FBRSL1: variants seen among roughly 807,000 people sequenced by gnomAD.
FBRSL1 encodes the protein fibrosin like 1.
FBRSL1 carries 51 observed loss-of-function variants against 89.6 expected under a neutral mutation model. The ratio of observed to expected loss-of-function variants is 0.57; its 90% CI spans 0.45 to 0.72. The LOEUF is 0.72. FBRSL1 is among the 30% of genes least tolerant of loss of function. The pLI is 0.00. For synonymous variants in FBRSL1, 779 were observed against 681.1 expected (o/e 1.14, Z -2.24); for missense variants, 1,618 against 1,451.8 (o/e 1.11, Z -1.86).
chr12:132,545,554 C>G (rs1283240920), intron 4 of FBRSL1, among the ~76,000 whole-genome samples: 1 of 152,252 alleles, frequency 6.6e-6, no homozygotes, highest in South Asian at 2.1e-4. Flanking sequence ...ATGCATTAAA[C>G]CCTCGCCTGT....
chr12:132,572,794 C>T (rs112000448), intron 11 of FBRSL1, among the ~76,000 whole-genome samples, 172 bp downstream of exon 11: 7 of 152,300 alleles, frequency 4.6e-5, no homozygotes, highest in African/African-American at 1.2e-4. Context: ...GGGGGCCCTG[C>T]GGTCTGTGTG....
intron 5 of FBRSL1, chr12:132,565,532 T>TATACGTACCCAAGTGTGCTCAC (rs1248376334): frequency 2.6e-5 from 4 of 151,514 alleles, no homozygotes; most frequent in East Asian, 3.9e-4. Context: ...AGTGTGCTCA[T>TATACGTACCCAAGTGTGCTCAC]GTACACGTAC....
At chr12:132,516,301 C>T (rs2034837664) in intron 2 of FBRSL1, among the ~76,000 whole-genome samples, 1 of 151,866 alleles carries the variant, frequency 6.6e-6, no homozygotes, top group Non-Finnish European at 1.5e-5. Flanking sequence ...TCTCCTGCCT[C>T]AGCTTCCTGA....
chr12:132,543,257 C>G (rs776928349), intron 4 of FBRSL1, among the ~76,000 whole-genome samples: 34 of 152,258 alleles, frequency 2.2e-4, no homozygotes, highest in Non-Finnish European at 4.4e-4. Context: ...GTGCCACTGT[C>G]TCTGCAGATG....
Position 132,560,005 on chromosome 12 carries a change from C to A in FBRSL1, c.646-7476C>A, listed in dbSNP as rs533542996. 147 of 148,546 alleles carry A rather than the reference C, an allele frequency of 9.9e-4. 1 individual carries two copies. The South Asian group carries it at 0.017, about 18-fold the overall frequency. The allele number at this position is 148,546 out of a possible 1,614,324, so 9.2% of individuals were successfully genotyped here. A position where few individuals can be genotyped will look rare whatever the true frequency, so the allele number is the denominator to read the frequency against. On this transcript the variant is annotated intron_variant, in intron 5 of 18. Coordinates refer to ENST00000680143, the MANE Select transcript of FBRSL1 (RefSeq NM_001367871.1). ...GCCGCCTCGGGGCCCGCGCCGCGCCCGACGTCCGCCCGGGAGCCCAGAGCG... is the reference window on the plus strand; with the variant it reads ...GCCGCCTCGGGGCCCGCGCCGCGCCAGACGTCCGCCCGGGAGCCCAGAGCG...
chr12:132,522,306 A>G (rs1165309079), intron 2 of FBRSL1, among the ~76,000 whole-genome samples: 1 of 152,098 alleles, frequency 6.6e-6, no homozygotes, highest in Admixed American at 6.5e-5. Context: ...TTCTGTGGGC[A>G]ACCCAGAGGC....
chr12:132,568,561 T>C (rs2039792542), intron 6 of FBRSL1, among the ~76,000 whole-genome samples: 1 of 152,240 alleles, frequency 6.6e-6, no homozygotes, highest in Admixed American at 6.5e-5. Flanking sequence ...GGACGGACAA[T>C]GTCCCAGTGA....
intron 15 of FBRSL1, among the ~76,000 whole-genome samples, chr12:132,579,625 GT>G (rs1172723143): frequency 1.3e-5 from 2 of 152,196 alleles, no homozygotes. Flanking sequence ...TGTGTAAACT[GT>G]CGGTACGTTT....
chr12:132,511,659 C>T (rs2034356553), intron 2 of FBRSL1: 14 of 985,392 alleles, frequency 1.4e-5, no homozygotes, highest in African/African-American at 1.7e-5. Context: ...CTGGTCTTGC[C>T]CAGCTGGGCT....
intron 2 of FBRSL1, among the ~76,000 whole-genome samples, chr12:132,513,928 C>T (rs752397298): frequency 1.1e-4 from 16 of 152,100 alleles, no homozygotes; most frequent in Non-Finnish European, 2.1e-4. Flanking sequence ...AGCATCCACG[C>T]CTGGTGTGTG....
At chr12:132,545,272 AG>A (rs1256650071) in intron 4 of FBRSL1, among the ~76,000 whole-genome samples, 3 of 152,198 alleles carry the variant, frequency 2.0e-5, no homozygotes, top group Non-Finnish European at 4.4e-5. Flanking sequence ...CCCCGAGCCC[AG>A]CCCCGGCGCC....
intron 5 of FBRSL1, chr12:132,566,529 C>A (rs1161584927): frequency 2.9e-5 from 1 of 34,342 alleles, no homozygotes; most frequent in Non-Finnish European, 4.7e-5. Flanking sequence ...CTCCGTCCAC[C>A]CCTCCCCATC....
chr12:132,557,970 C>T (rs2038810983), intron 5 of FBRSL1, among the ~76,000 whole-genome samples: 1 of 152,174 alleles, frequency 6.6e-6, no homozygotes. Flanking sequence ...CCTCCCAGGG[C>T]CAGGCACGCA....
At position 132,570,143 on chromosome 12, in the gene FBRSL1, C is replaced by T. The variant is rs1262080870; in HGVS notation, c.909C>T (p.Pro303=). ...APHRHTPQPP[P]PQPRGLLPTH... ...ACCGCCACACCCCGCAGCCGCCACC[C>T]CCGCAGCCCCGCGGCCTGCTCCCGA... is the stretch of plus-strand genomic sequence containing the variant. The change falls in exon 7 of 19, where the codon CCC becomes CCT. Residue 303 remains proline (P), a synonymous_variant. Transcript: ENST00000680143. 11 of 1,478,914 alleles carry T rather than the reference C, an allele frequency of 7.4e-6. No individual in the cohort carries two copies. The highest frequency in any genetic ancestry group is 5.0e-5 in the Admixed American group (2 of 40,250). 91.6% of individuals were successfully genotyped at this position (1,478,914 alleles called of 1,614,324 possible).
intron 15 of FBRSL1, chr12:132,580,655 TCAGTG>T: frequency 7.1e-6 from 3 of 423,932 alleles, no homozygotes; most frequent in Non-Finnish European, 6.3e-6. Context: ...ATGCCACAGC[TCAGTG>T]GAGACCAGAA....
chr12:132,500,913 C>T (rs1220840003), intron 1 of FBRSL1, among the ~76,000 whole-genome samples: 3 of 152,232 alleles, frequency 2.0e-5, no homozygotes, highest in African/African-American at 4.8e-5. Context: ...CCCCAGCAGG[C>T]CTCTGGCTGT....
chr12:132,491,889 A>G (rs753423792), intron 1 of FBRSL1, among the ~76,000 whole-genome samples: 2 of 152,188 alleles, frequency 1.3e-5, no homozygotes, highest in African/African-American at 4.8e-5. Flanking sequence ...TTCGTGTCCC[A>G]AGTGCACGGA....
Position 132,499,357 on chromosome 12 carries a change from G to A in FBRSL1, c.291+8496G>A, listed in dbSNP as rs1327461743. 6.6e-6 allele frequency among the ~76,000 whole-genome samples: 1 copy of A among 152,110 alleles called. No homozygotes were observed. The highest frequency in any genetic ancestry group is 2.4e-5 in the African/African-American group (1 of 41,444). On this transcript the variant is annotated intron_variant, in intron 1 of 18. Transcript: ENST00000680143. This position sits in a 1 kb window ranked among gnomAD's most constrained non-coding sequence, Gnocchi z 4.3. The stretch of plus-strand genomic sequence containing the variant: ...GGTGCTGGACCTCTGGGAGAGGCCA[G>A]GTGAGCCGCTGGCCAGCAGGGAAGG...
intron 15 of FBRSL1, chr12:132,581,189 C>CA (rs1224877168): frequency 1.0e-6 from 1 of 985,302 alleles, no homozygotes; most frequent in Non-Finnish European, 1.2e-6. Flanking sequence ...TCGCACTCAG[C>CA]ACCTCCCTCC....
Sources: gnomAD v4.1 joint callset for allele counts (sites outside exome capture counted in the v4.1 genomes callset) on GRCh38, gnomAD v4.1.1 for gene constraint, Gnocchi (gnomAD v3.1) non-coding constraint, MANE v1.5 for transcripts, NCBI Gene and HGNC (gene_info 2026-07-23, HGNC 2026-07-21) for gene names.